The following THSD7B variants were observed in gnomAD, a reference collection of about 807,000 sequenced individuals.
THSD7B encodes thrombospondin type-1 domain-containing protein 7B.
A neutral mutation model predicts 213.6 loss-of-function variants in THSD7B; 138 were observed. The ratio of observed to expected loss-of-function variants is 0.65; its 90% CI spans 0.56 to 0.74. The LOEUF is 0.74. Among genes scored for constraint, THSD7B ranks in the 30% least tolerant of loss-of-function variants. The pLI is 0.00. For synonymous variants in THSD7B, 742 were observed against 687.0 expected (o/e 1.08, Z -1.25); for missense variants, 1,931 against 1,991.5 (o/e 0.97, Z 0.58).
At chr2:137,650,835 A>G (rs2104812348) in intron 21 of THSD7B, among the ~76,000 whole-genome samples, 1 of 152,310 alleles carries the variant, frequency 6.6e-6, no homozygotes, top group Admixed American at 6.5e-5. Flanking sequence ...ATCTATTGAA[A>G]TGATCGTATG....
chr2:137,651,462 T>C (rs1181267883), intron 21 of THSD7B, among the ~76,000 whole-genome samples: 3 of 152,036 alleles, frequency 2.0e-5, no homozygotes, highest in African/African-American at 7.2e-5. Flanking sequence ...GTCTTCTTTT[T>C]TCTTAGTCTA....
At chr2:137,111,342 T>C (rs1220370113) in intron 4 of THSD7B, among the ~76,000 whole-genome samples, 1 of 152,214 alleles carries the variant, frequency 6.6e-6, no homozygotes, top group African/African-American at 2.4e-5. Context: ...CTACTGAAGT[T>C]GCATTCTGTA....
intron 2 of THSD7B, among the ~76,000 whole-genome samples, chr2:136,906,044 A>G (rs1174905991): frequency 6.6e-6 from 1 of 152,256 alleles, no homozygotes; most frequent in East Asian, 1.9e-4. Context: ...ATTCCAATGC[A>G]TTGAACCTGG....
rs750395910 is a variant in THSD7B, at chr2:137,560,037, C to T, written c.3139-3184C>T. Among the ~76,000 whole-genome samples, 16 of 143,614 alleles carry T rather than the reference C, an allele frequency of 1.1e-4. No homozygotes were observed. In the East Asian group the frequency reaches 1.2e-3, roughly 11 times the overall value. 94.2% of individuals were successfully genotyped at this position (143,614 alleles called of 152,430 possible). On this transcript the variant is annotated intron_variant, in intron 15 of 27. Coordinates refer to ENST00000409968, the MANE Select transcript of THSD7B (RefSeq NM_001316349.2). Reference sequence around the variant, plus strand: ...TATTATCTCACACCATTTAGAATGGCGATCATTAAAAAGTCAGGAAACAAC... The same window carrying T: ...TATTATCTCACACCATTTAGAATGGTGATCATTAAAAAGTCAGGAAACAAC...
At chr2:137,511,411 T>C (rs1236785463) in intron 15 of THSD7B, among the ~76,000 whole-genome samples, 2 of 152,204 alleles carry the variant, frequency 1.3e-5, no homozygotes, top group Non-Finnish European at 2.9e-5. Context: ...GATGCAGATG[T>C]TATGTTGCAG....
At chr2:137,274,339 T>C (rs78930360) in intron 11 of THSD7B, among the ~76,000 whole-genome samples, 4,108 of 152,234 alleles carry the variant, frequency 0.027, 108 homozygotes, top group Middle Eastern at 0.099. Context: ...TAAGGTGATA[T>C]ATTCACATGT....
At chr2:136,789,096 T>C (rs909662939) in intron 1 of THSD7B, among the ~76,000 whole-genome samples, 4 of 152,082 alleles carry the variant, frequency 2.6e-5, no homozygotes, top group African/African-American at 4.8e-5. Context: ...TTCTTGGAGA[T>C]GTAAGGATGT....
intron 1 of THSD7B, among the ~76,000 whole-genome samples, chr2:136,806,874 T>C (rs1319964608): frequency 1.3e-5 from 2 of 152,168 alleles, no homozygotes; most frequent in East Asian, 3.8e-4. Context: ...ATTGTCTTTG[T>C]TTTTGAGGAC....
At chr2:137,037,867 A>T (rs958655155) in intron 2 of THSD7B, among the ~76,000 whole-genome samples, 1 of 152,174 alleles carries the variant, frequency 6.6e-6, no homozygotes, top group Admixed American at 6.5e-5. Flanking sequence ...ATTAAGGAGG[A>T]TGTTTTAAGT....
chr2:137,123,173 C>T (rs934412568), intron 5 of THSD7B, among the ~76,000 whole-genome samples: 5 of 152,072 alleles, frequency 3.3e-5, no homozygotes, highest in African/African-American at 9.7e-5. Flanking sequence ...GTTGCCAGTC[C>T]ATTTTCAAAC....
At chr2:137,406,088 A>C (rs556053635) in intron 13 of THSD7B, among the ~76,000 whole-genome samples, 84 of 152,262 alleles carry the variant, frequency 5.5e-4, no homozygotes, top group Non-Finnish European at 1.1e-3. Context: ...TCATTCACCA[A>C]CTTCTTTTGA....
At chr2:137,148,190 C>T (rs2195826) in intron 5 of THSD7B, among the ~76,000 whole-genome samples, 145,623 of 152,172 alleles carry the variant, frequency 0.96, 69,761 homozygotes, top group East Asian at 1. Context: ...TTCCCCCTCT[C>T]TGCTCTGCAT....
At chr2:136,899,541 C>T (rs1022678788) in intron 2 of THSD7B, among the ~76,000 whole-genome samples, 2 of 152,128 alleles carry the variant, frequency 1.3e-5, no homozygotes, top group African/African-American at 4.8e-5. Flanking sequence ...ATTTAGGTCC[C>T]TCAATGGTGT....
At chr2:137,208,750 C>T (rs1271555277) in intron 7 of THSD7B, among the ~76,000 whole-genome samples, 1 of 151,878 alleles carries the variant, frequency 6.6e-6, no homozygotes, top group Non-Finnish European at 1.5e-5. Flanking sequence ...TGAGTCAGCC[C>T]CTGGGTAGAG....
At chr2:137,011,022 A>T (rs558575811) in intron 2 of THSD7B, among the ~76,000 whole-genome samples, 1 of 152,308 alleles carries the variant, frequency 6.6e-6, no homozygotes, top group Admixed American at 6.5e-5. Context: ...TGATGTTATT[A>T]GCCTTTCATT....
chr2:137,408,538 T>A (rs1354606712), intron 13 of THSD7B, among the ~76,000 whole-genome samples: 1 of 152,196 alleles, frequency 6.6e-6, no homozygotes, highest in Non-Finnish European at 1.5e-5. Flanking sequence ...TCTGCTATAG[T>A]TGCTGTTGTA....
chr2:137,092,675 C>G (rs1339501586), intron 3 of THSD7B, among the ~76,000 whole-genome samples: 3 of 152,146 alleles, frequency 2.0e-5, no homozygotes, highest in Non-Finnish European at 4.4e-5. Context: ...TTGCCCGTCA[C>G]CCAGGCTGGA....
chr2:137,148,441 G>A (rs2195825), intron 5 of THSD7B, among the ~76,000 whole-genome samples: 145,677 of 152,248 alleles, frequency 0.96, 69,777 homozygotes, highest in East Asian at 1. Context: ...GTGACTTCAG[G>A]AGAGGTTAGA....
chr2:137,282,151 C>G (rs1369903665), intron 12 of THSD7B, among the ~76,000 whole-genome samples: 1 of 151,982 alleles, frequency 6.6e-6, no homozygotes, highest in Middle Eastern at 3.4e-3. Context: ...TCTCTGATGG[C>G]CAGTGATGAT....
Sources: gnomAD v4.1 joint callset for allele counts (sites outside exome capture counted in the v4.1 genomes callset) on GRCh38, gnomAD v4.1.1 for gene constraint, MANE v1.5 for transcripts, NCBI Gene and HGNC (gene_info 2026-07-23, HGNC 2026-07-21) for gene names.